Variants in CREG2 observed in about 807,000 individuals in gnomAD.
CREG2 encodes protein CREG2.
CREG2 carries 24 observed loss-of-function variants against 26.2 expected under a neutral mutation model. The observed-to-expected ratio is 0.92, with a 90% CI of 0.66 to 1.29. CREG2 has a LOEUF of 1.29. Among genes scored for constraint, CREG2 ranks in the 50% most tolerant of loss-of-function variants. The pLI is 0.00. For missense variants in CREG2, 366 were observed against 398.6 expected (o/e 0.92, Z 0.70); for synonymous variants, 174 against 169.2 (o/e 1.03, Z -0.22).
At chr2:101,358,354 A>G (rs145358773) in intron 2 of CREG2, among the ~76,000 whole-genome samples, 5 of 152,292 alleles carry the variant, frequency 3.3e-5, no homozygotes, top group African/African-American at 9.6e-5. Context: ...TCCCAGATCC[A>G]ATCAGTCCCC....
intron 2 of CREG2, among the ~76,000 whole-genome samples, chr2:101,362,854 G>A (rs535623878): frequency 6.6e-6 from 1 of 152,266 alleles, no homozygotes; most frequent in South Asian, 2.1e-4. Context: ...AGAAAAGCCT[G>A]ATCCAGGCTC....
chr2:101,361,056 A>T (rs895336517), intron 2 of CREG2, among the ~76,000 whole-genome samples: 1 of 152,238 alleles, frequency 6.6e-6, no homozygotes, highest in Non-Finnish European at 1.5e-5. Context: ...TTGTTCTGTG[A>T]TGAAAGCAAT....
intron 2 of CREG2, among the ~76,000 whole-genome samples, chr2:101,371,594 A>G (rs887249604): frequency 2.6e-5 from 4 of 152,246 alleles, no homozygotes; most frequent in African/African-American, 9.6e-5. Flanking sequence ...GTGGATGGCC[A>G]GGGCCCTTCC....
chr2:101,385,954 G>A lies in CREG2; in HGVS notation c.441+1063C>T, dbSNP rs560058379. Among the ~76,000 whole-genome samples, 128 of 152,342 alleles carry A rather than the reference G, an allele frequency of 8.4e-4. 1 individual carries two copies. The highest frequency in any genetic ancestry group is 3.0e-3 in the African/African-American group (126 of 41,572). On this transcript the variant is annotated intron_variant, in intron 1 of 3. Coordinates refer to ENST00000324768, the MANE Select transcript of CREG2 (RefSeq NM_153836.4). ...ATTTGTGTTTTCAACTAAGATCAGT[G>A]TCATCTTTAACCTTTATGTCTTTTT...
chr2:101,361,728 A>G (rs1454809320), intron 2 of CREG2, among the ~76,000 whole-genome samples: 10 of 152,156 alleles, frequency 6.6e-5, no homozygotes, highest in Non-Finnish European at 1.3e-4. Flanking sequence ...AAACTAATAC[A>G]CCATCTAAAG....
intron 2 of CREG2, among the ~76,000 whole-genome samples, chr2:101,359,839 A>G (rs1684514954): frequency 6.6e-6 from 1 of 152,252 alleles, no homozygotes; most frequent in Non-Finnish European, 1.5e-5. Context: ...CTCCCTGGGA[A>G]AAGATGAAAG....
intron 3 of CREG2, among the ~76,000 whole-genome samples, chr2:101,354,396 C>A (rs974800386): frequency 6.6e-6 from 1 of 152,216 alleles, no homozygotes; most frequent in African/African-American, 2.4e-5. Flanking sequence ...TCCGATTGTG[C>A]CTTTAGCCCT....
At position 101,372,099 on chromosome 2, in the gene CREG2, G is replaced by T. The variant is rs146753961; in HGVS notation, c.611+11434C>A. Among the ~76,000 whole-genome samples the T allele has an allele frequency of 3.3e-3, 506 of 152,224 alleles. 5 individuals carry two copies. Among genetic ancestry groups the T allele is most frequent in the African/African-American group, 0.012 (487 of 41,504 alleles). ...GATGGGGAATGAGGATGTCAAGGTG[G>T]GGGAAATGGCAGCCACGCTGTGGAA... On this transcript the variant is annotated intron_variant, in intron 2 of 3. Transcript: ENST00000324768.
chr2:101,351,777 T>C (rs1043822887), intron 3 of CREG2, among the ~76,000 whole-genome samples: 2 of 152,212 alleles, frequency 1.3e-5, no homozygotes, highest in Non-Finnish European at 2.9e-5. Flanking sequence ...CATAAAAATT[T>C]CCTTTATATC....
intron 2 of CREG2, among the ~76,000 whole-genome samples, chr2:101,380,093 TATC>T (rs1684850094): frequency 6.6e-6 from 1 of 152,200 alleles, no homozygotes; most frequent in Non-Finnish European, 1.5e-5. Flanking sequence ...TTCATCCATC[TATC>T]ATCAATCATC....
Position 101,387,368 on chromosome 2 carries a change from C to T in CREG2, c.90G>A (p.Ala30=), listed in dbSNP as rs757005480. 3 of 1,435,082 alleles carry T rather than the reference C, an allele frequency of 2.1e-6. No homozygotes were observed. Among genetic ancestry groups the T allele is most frequent in the African/African-American group, 3.0e-5 (2 of 67,024 alleles). 88.9% of individuals were successfully genotyped at this position (1,435,082 alleles called of 1,614,324 possible). ...LCCSALLSPA[A]GYVIVSSVSW... is the part of the protein sequence containing the mutation. ...ACACGGAGCTCACGATCACGTAGCC[C>T]GCGGCCGGGGACAGCAGGGCGCTGC... The change falls in exon 1 of 4, where the codon GCG becomes GCA. Residue 30 remains alanine, a synonymous_variant. Transcript: ENST00000324768. The surrounding 1 kb of genome is among the most constrained non-coding windows in gnomAD (Gnocchi z 4.7).
In CREG2 at chr2:101,358,863, G is replaced by A. The variant is rs1427112692; in HGVS notation, c.612-3497C>T. Among the ~76,000 whole-genome samples the A allele has an allele frequency of 1.3e-4, 8 of 61,698 alleles. 2 individuals carry two copies. The highest frequency in any genetic ancestry group is 3.0e-4 in the African/African-American group (8 of 26,524). 40.5% of individuals were successfully genotyped at this position (61,698 alleles called of 152,430 possible). A position where few individuals can be genotyped will look rare whatever the true frequency, so the allele number is the denominator to read the frequency against. ...ATCCCGGCTAAAACGGTGAAACCCC[G>A]TCTCTACTAAAAATACAAAAAATTA... On this transcript the variant is annotated intron_variant, in intron 2 of 3. Transcript: ENST00000324768.
At chr2:101,363,280 G>A (rs1684570070) in intron 2 of CREG2, among the ~76,000 whole-genome samples, 1 of 152,120 alleles carries the variant, frequency 6.6e-6, no homozygotes. Context: ...TGGATTACAT[G>A]GACCTGAGGA....
chr2:101,383,488 A>G (rs1448155837), intron 2 of CREG2, 45 bp downstream of exon 2: 2 of 1,606,530 alleles, frequency 1.2e-6, no homozygotes, highest in East Asian at 2.2e-5. Flanking sequence ...CTCTCTGTCA[A>G]AAACTTCCCA....
At position 101,350,684 on chromosome 2, in the gene CREG2, A is replaced by G. The variant is rs957781088; in HGVS notation, c.*239T>C. On this transcript the variant is annotated 3_prime_UTR_variant, in exon 4 of 4. Transcript: ENST00000324768. The stretch of plus-strand genomic sequence containing the variant: ...TTCTGAATCGATGAGTCTGGATTGA[A>G]TACAATGGAATAAAGACTATCTACG... 29 of 481,366 alleles carry G rather than the reference A, an allele frequency of 6.0e-5. No homozygotes were observed. The highest frequency in any genetic ancestry group is 1.0e-4 in the South Asian group (3 of 29,208). The allele number at this position is 481,366 out of a possible 1,614,324, so 29.8% of individuals were successfully genotyped here. A position where few individuals can be genotyped will look rare whatever the true frequency, so the allele number is the denominator to read the frequency against.
intron 1 of CREG2, among the ~76,000 whole-genome samples, chr2:101,384,722 A>T (rs191250969): frequency 6.6e-6 from 1 of 152,318 alleles, no homozygotes; most frequent in African/African-American, 2.4e-5. Context: ...TTAGCTTGGC[A>T]TGGTGGCACA....
intron 2 of CREG2, chr2:101,375,711 G>C (rs1470484995): frequency 5.8e-6 from 1 of 171,394 alleles, no homozygotes; most frequent in East Asian, 1.7e-4. Context: ...AGGACGGGGT[G>C]GGGTGCGGCA....
intron 2 of CREG2, among the ~76,000 whole-genome samples, chr2:101,374,703 A>T (rs750294922): frequency 6.6e-6 from 1 of 152,202 alleles, no homozygotes; most frequent in Non-Finnish European, 1.5e-5. Flanking sequence ...TCTAAAAATG[A>T]CTGAATGAAT....
chr2:101,375,514 A>G (rs1261141260), intron 2 of CREG2: 1 of 152,322 alleles, frequency 6.6e-6, no homozygotes, highest in Non-Finnish European at 1.5e-5. Flanking sequence ...TTTCTTGATA[A>G]TCAAACCAGT....
Sources: allele counts gnomAD v4.1 joint callset (sites outside exome capture counted in the v4.1 genomes callset), GRCh38; gene constraint gnomAD v4.1.1; non-coding constraint Gnocchi (gnomAD v3.1); transcripts MANE v1.5; gene names NCBI Gene and HGNC (gene_info 2026-07-23, HGNC 2026-07-21).